GRID2: variants seen among roughly 807,000 people sequenced by gnomAD.
GRID2 encodes the protein glutamate ionotropic receptor delta type subunit 2.
GRID2 carries 33 observed loss-of-function variants against 114.8 expected under a neutral mutation model. The observed-to-expected ratio is 0.29, with a 90% CI of 0.22 to 0.38. The LOEUF (loss-of-function observed/expected upper bound fraction) is 0.38, where lower values mean the gene tolerates loss of function less well. Ranked by LOEUF, GRID2 falls within the 10% of genes least tolerant of loss-of-function variation. The pLI is 1.00. For missense variants in GRID2, 1,184 were observed against 1,257.7 expected, an observed-to-expected ratio of 0.94 and a Z score of 0.89; for synonymous variants, 505 against 449.9, an observed-to-expected ratio of 1.12 and a Z score of -1.55.
At chr4:93,686,113 T>A (rs1726054851) in intron 14 of GRID2, among the ~76,000 whole-genome samples, 1 of 151,966 alleles carries the variant, frequency 6.6e-6, no homozygotes, top group African/African-American at 2.4e-5. Context: ...GAACTCTCTG[T>A]CTCTCCATTG....
chr4:92,417,530 A>G (rs897146093), intron 1 of GRID2, among the ~76,000 whole-genome samples: 3 of 152,132 alleles, frequency 2.0e-5, no homozygotes, highest in African/African-American at 7.2e-5. Flanking sequence ...ATTAATTGTA[A>G]CAAAAAGGTA....
chr4:92,314,101 C>A (rs533771798), intron 1 of GRID2, among the ~76,000 whole-genome samples: 1 of 149,678 alleles, frequency 6.7e-6, no homozygotes, highest in South Asian at 2.1e-4. Flanking sequence ...GTTTTTTTTT[C>A]TTTTTCTTTT....
intron 2 of GRID2, among the ~76,000 whole-genome samples, chr4:92,954,407 T>G (rs1295889751): frequency 1.3e-5 from 2 of 151,316 alleles, no homozygotes; most frequent in African/African-American, 4.8e-5. Flanking sequence ...TAACACTGTT[T>G]CTGCAGTTTT....
At chr4:93,659,319 G>A (rs897983023) in intron 14 of GRID2, among the ~76,000 whole-genome samples, 2 of 152,200 alleles carry the variant, frequency 1.3e-5, no homozygotes, top group African/African-American at 4.8e-5. Flanking sequence ...ATATGGACCA[G>A]ATGAATACTG....
intron 1 of GRID2, among the ~76,000 whole-genome samples, chr4:92,313,043 A>T (rs1369956520): frequency 1.3e-5 from 2 of 151,480 alleles, no homozygotes; most frequent in Non-Finnish European, 2.9e-5. Context: ...ACCAACTCAA[A>T]TGCCTGTCAA....
At chr4:92,601,632 T>C (rs62310147) in intron 2 of GRID2, among the ~76,000 whole-genome samples, 15,547 of 151,526 alleles carry the variant, frequency 0.1, 1,079 homozygotes, top group African/African-American at 0.2. Flanking sequence ...AATAGAAAAC[T>C]AAGAGCAAAC....
chr4:92,615,401 A>G (rs1729960403), intron 2 of GRID2, among the ~76,000 whole-genome samples: 1 of 151,492 alleles, frequency 6.6e-6, no homozygotes, highest in Non-Finnish European at 1.5e-5. Context: ...CAACATATAA[A>G]TTTGAGAGGA....
intron 8 of GRID2, among the ~76,000 whole-genome samples, chr4:93,394,397 C>T (rs986047121): frequency 3.3e-5 from 5 of 151,896 alleles, no homozygotes; most frequent in African/African-American, 1.2e-4. Context: ...ACATTCCCTT[C>T]TCTTAAGATA....
intron 1 of GRID2, among the ~76,000 whole-genome samples, chr4:92,393,446 T>C (rs114736280): frequency 0.012 from 1,887 of 152,264 alleles, 27 homozygotes; most frequent in Non-Finnish European, 0.019. Flanking sequence ...GAATTTTTAT[T>C]TCCTAAACTT....
At chr4:92,393,148 A>C (rs903434110) in intron 1 of GRID2, among the ~76,000 whole-genome samples, 8 of 152,272 alleles carry the variant, frequency 5.3e-5, no homozygotes, top group African/African-American at 1.9e-4. Flanking sequence ...ACACACTTTA[A>C]AATGACTAGA....
intron 2 of GRID2, among the ~76,000 whole-genome samples, chr4:92,986,665 G>A (rs750434203): frequency 6.6e-6 from 1 of 152,064 alleles, no homozygotes; most frequent in South Asian, 2.1e-4. Context: ...TATATGAACT[G>A]TGCACTGTAT....
chr4:92,444,000 A>C (rs187326230), intron 1 of GRID2, among the ~76,000 whole-genome samples: 2 of 152,166 alleles, frequency 1.3e-5, no homozygotes, highest in Non-Finnish European at 2.9e-5. Context: ...GAAAGGAGAA[A>C]GTGGTTGAGG....
chr4:92,482,842 A>C (rs1198568764), intron 1 of GRID2, among the ~76,000 whole-genome samples: 1 of 152,204 alleles, frequency 6.6e-6, no homozygotes, highest in African/African-American at 2.4e-5. Context: ...TACAATATTA[A>C]ATGCTTATTT....
chr4:93,210,840 T>C (rs374496336), intron 5 of GRID2, among the ~76,000 whole-genome samples: 5 of 152,086 alleles, frequency 3.3e-5, no homozygotes, highest in African/African-American at 1.2e-4. Context: ...GTATTAATTA[T>C]TTTCTAGATT....
At chr4:93,533,432 G>C (rs911470742) in intron 13 of GRID2, among the ~76,000 whole-genome samples, 1 of 145,354 alleles carries the variant, frequency 6.9e-6, no homozygotes, top group Non-Finnish European at 1.5e-5. Context: ...CCCATGCAGT[G>C]GCATGATCTC....
chr4:93,527,517 G>T (rs905196624), intron 13 of GRID2, among the ~76,000 whole-genome samples: 8 of 151,704 alleles, frequency 5.3e-5, no homozygotes, highest in African/African-American at 1.9e-4. Flanking sequence ...TTAAATACTG[G>T]AGTCCAAAAG....
chr4:92,374,556 C>A (rs1306428904), intron 1 of GRID2, among the ~76,000 whole-genome samples: 1 of 152,108 alleles, frequency 6.6e-6, no homozygotes, highest in African/African-American at 2.4e-5. Context: ...GCCGTGGTCA[C>A]TATATGTGGC....
At chr4:92,983,323 G>T (rs908641290) in intron 2 of GRID2, among the ~76,000 whole-genome samples, 1 of 152,052 alleles carries the variant, frequency 6.6e-6, no homozygotes, top group Non-Finnish European at 1.5e-5. Context: ...GAAAGGGCAT[G>T]CAGGAGTCAG....
intron 13 of GRID2, among the ~76,000 whole-genome samples, chr4:93,528,784 C>G (rs1167859815): frequency 6.6e-6 from 1 of 152,110 alleles, no homozygotes; most frequent in Admixed American, 6.6e-5. Flanking sequence ...TTCAACAGAA[C>G]AAAAACTCAT....
Sources: gnomAD v4.1 joint callset for allele counts (sites outside exome capture counted in the v4.1 genomes callset) on GRCh38, gnomAD v4.1.1 for gene constraint, MANE v1.5 for transcripts, NCBI Gene and HGNC (gene_info 2026-07-23, HGNC 2026-07-21) for gene names.